Variants in POLE2 observed in about 807,000 individuals in gnomAD.
POLE2 encodes the protein DNA polymerase epsilon 2, accessory subunit, also known as DNA polymerase epsilon subunit 2.
Under a neutral mutation model 79.4 loss-of-function variants are expected in POLE2, and 56 were observed. The observed-to-expected ratio is 0.71, with a 90% CI of 0.57 to 0.88. POLE2 has a LOEUF of 0.88. Among genes scored for constraint, POLE2 ranks in the 40% least tolerant of loss-of-function variants. POLE2 has a pLI of 0.00. For synonymous variants in POLE2, 212 were observed against 214.0 expected, an observed-to-expected ratio of 0.99 and a Z score of 0.08; for missense variants, 598 against 638.9, an observed-to-expected ratio of 0.94 and a Z score of 0.69.
intron 1 of POLE2, 41 bp downstream of exon 1, chr14:49,688,095 G>A: frequency 6.7e-7 from 1 of 1,484,034 alleles, no homozygotes; most frequent in Non-Finnish European, 9.2e-7. Flanking sequence ...ACGGGCCCCA[G>A]CTCTTCCCTC....
rs374201091 is a variant in POLE2 at position 49,649,137 on chromosome 14, CTTTTTTTTTTTTTT to C, written c.1497+1114_1497+1127del. ...CAAAAAGTCAATTATATTTCTTTCCCTTTTTTTTTTTTTTTTTTTTTTTTTTTGAGACGCAGTCT... is the reference window on the plus strand; with the variant it reads ...CAAAAAGTCAATTATATTTCTTTCCCTTTTTTTTTTTTTGAGACGCAGTCT... On this transcript the variant is annotated intron_variant, in intron 17 of 18. Coordinates refer to ENST00000216367, the MANE Select transcript of POLE2 (RefSeq NM_002692.4). Among the ~76,000 whole-genome samples the C allele has an allele frequency of 3.0e-3, 322 of 108,790 alleles. 2 individuals are homozygous for C. The highest frequency in any genetic ancestry group is 0.013 in the African/African-American group (310 of 24,644). The allele number at this position is 108,790 out of a possible 152,430, so 71.4% of individuals were successfully genotyped here.
intron 10 of POLE2, among the ~76,000 whole-genome samples, chr14:49,660,477 A>G (rs979315081): frequency 4.6e-5 from 7 of 151,620 alleles, no homozygotes; most frequent in Non-Finnish European, 8.8e-5. Flanking sequence ...TTTTTTTGCA[A>G]TCATGAACTA....
At chr14:49,652,529 G>A (rs895611054) in intron 15 of POLE2, among the ~76,000 whole-genome samples, 5 of 152,034 alleles carry the variant, frequency 3.3e-5, no homozygotes, top group South Asian at 2.1e-4. Flanking sequence ...ACTCCCCATC[G>A]GTTGTATTAC....
chr14:49,658,243 A>AT (rs1884849006), intron 10 of POLE2, among the ~76,000 whole-genome samples: 1 of 151,802 alleles, frequency 6.6e-6, no homozygotes, highest in South Asian at 2.1e-4. Flanking sequence ...CGCCCGGCTA[A>AT]TTTTTTGTAG....
Position 49,683,412 on chromosome 14 carries a change from GA to G in POLE2, c.169+180del, listed in dbSNP as rs369936771. ...GCGAGACTCCATCCCAAAAAAGAAAGAAAAAAAAATTAAAATAAACTAAAGG... is the reference window on the plus strand; with the variant it reads ...GCGAGACTCCATCCCAAAAAAGAAAGAAAAAAAATTAAAATAAACTAAAGG... On this transcript the variant is annotated intron_variant, in intron 2 of 18. Transcript: ENST00000216367. Among the ~76,000 whole-genome samples, 287 of 149,420 alleles carry G rather than the reference GA, an allele frequency of 1.9e-3. 1 individual carries two copies. Among genetic ancestry groups the G allele is most frequent in the Middle Eastern group, 3.4e-3 (1 of 290 alleles).
intron 6 of POLE2, 139 bp from the exon 7 acceptor site, chr14:49,666,552 A>C (rs537673065): frequency 2.2e-6 from 1 of 446,786 alleles, no homozygotes; most frequent in East Asian, 3.7e-5. Context: ...TAAAATGGAA[A>C]TAAAGTTGTA....
intron 5 of POLE2, among the ~76,000 whole-genome samples, chr14:49,672,690 G>C (rs552678755): frequency 6.6e-6 from 1 of 152,152 alleles, no homozygotes; most frequent in Admixed American, 6.5e-5. Context: ...CTAGAGACAG[G>C]GTTTCTCCAT....
rs774619035 is a variant in POLE2 at position 49,653,970 on chromosome 14, C to G, written c.1211+20G>C. The G allele has an allele frequency of 7.2e-7, 1 of 1,398,296 alleles. No homozygotes were observed. The highest frequency in any genetic ancestry group is 1.0e-6 in the Non-Finnish European group (1 of 991,844). 86.6% of individuals were successfully genotyped at this position (1,398,296 alleles called of 1,614,324 possible). ...TTTAAATGAAAGGAAAAATGTATAACACAAAATACTAATTCTTACCTGCAA... is the reference window on the plus strand; with the variant it reads ...TTTAAATGAAAGGAAAAATGTATAAGACAAAATACTAATTCTTACCTGCAA... On this transcript the variant is annotated intron_variant, in intron 15 of 18. Transcript: ENST00000216367.
At chr14:49,648,152 A>G (rs1409658918) in intron 17 of POLE2, among the ~76,000 whole-genome samples, 1 of 152,208 alleles carries the variant, frequency 6.6e-6, no homozygotes, top group African/African-American at 2.4e-5. Flanking sequence ...AATCACACAT[A>G]CAATTGTTTG....
intron 5 of POLE2, among the ~76,000 whole-genome samples, chr14:49,671,679 G>A (rs1027016440): frequency 6.6e-6 from 1 of 151,328 alleles, no homozygotes; most frequent in Non-Finnish European, 1.5e-5. Flanking sequence ...ATTCAGCTGG[G>A]CATGGTGGCT....
chr14:49,651,563 C>G (rs1884235371), intron 15 of POLE2, 186 bp from the exon 16 acceptor site: 1 of 400,376 alleles, frequency 2.5e-6, no homozygotes, highest in Non-Finnish European at 4.4e-6. Flanking sequence ...ATATGCCTAC[C>G]CCATTCTAGG....
At chr14:49,659,766 TG>T (rs1884969742) in intron 10 of POLE2, among the ~76,000 whole-genome samples, 1 of 152,034 alleles carries the variant, frequency 6.6e-6, no homozygotes, top group Admixed American at 6.6e-5. Context: ...TTGTTGTTGT[TG>T]GTAGAGATGA....
intron 5 of POLE2, among the ~76,000 whole-genome samples, chr14:49,671,665 A>G (rs964280807): frequency 3.3e-5 from 5 of 150,790 alleles, no homozygotes; most frequent in African/African-American, 7.3e-5. Flanking sequence ...TCAAGCAGAA[A>G]GAGATTCAGC....
chr14:49,670,774 G>C (rs11157699), intron 5 of POLE2, among the ~76,000 whole-genome samples: 29,379 of 152,182 alleles, frequency 0.19, 3,057 homozygotes, highest in African/African-American at 0.25. Context: ...TTTAAAAGAG[G>C]TGGGACATGG....
intron 4 of POLE2, 62 bp downstream of exon 4, chr14:49,674,288 A>T: frequency 6.9e-7 from 1 of 1,442,386 alleles, no homozygotes; most frequent in Non-Finnish European, 9.8e-7. Flanking sequence ...GCAAGAGACT[A>T]TACCTTCTGA....
intron 5 of POLE2, 81 bp downstream of exon 5, chr14:49,674,042 C>G: frequency 1.2e-6 from 1 of 863,138 alleles, no homozygotes; most frequent in Non-Finnish European, 1.9e-6. Flanking sequence ...TTAAATATCC[C>G]TGAGATTTCC....
intron 3 of POLE2, among the ~76,000 whole-genome samples, chr14:49,676,106 A>G (rs1886258623): frequency 6.6e-6 from 1 of 152,148 alleles, no homozygotes; most frequent in Non-Finnish European, 1.5e-5. Flanking sequence ...ATGGAAAAAG[A>G]GCTCCCCCTC....
Position 49,654,991 on chromosome 14 carries a change from T to C in POLE2, c.1018+14A>G, listed in dbSNP as rs1233163807. The C allele has an allele frequency of 2.0e-6, 3 of 1,492,920 alleles. No individual in the cohort carries two copies. The highest frequency in any genetic ancestry group is 2.7e-6 in the Non-Finnish European group (3 of 1,102,410). The allele number at this position is 1,492,920 out of a possible 1,614,324, so 92.5% of individuals were successfully genotyped here. On this transcript the variant is annotated intron_variant, in intron 12 of 18. Coordinates refer to ENST00000216367, the MANE Select transcript of POLE2 (RefSeq NM_002692.4). ...GACTATAGAAACACTTCTTATTAAA[T>C]AGATCGTTAATACCTTTCAAAGCTT...
chr14:49,682,640 G>GAAAAAAAA (rs35984833), intron 2 of POLE2, among the ~76,000 whole-genome samples: 3 of 60,976 alleles, frequency 4.9e-5, no homozygotes, highest in African/African-American at 1.7e-4. Flanking sequence ...CCTTCTCAGG[G>GAAAAAAAA]AAAAAAAAAA....
Sources: gnomAD v4.1 joint callset for allele counts (sites outside exome capture counted in the v4.1 genomes callset) on GRCh38, gnomAD v4.1.1 for gene constraint, MANE v1.5 for transcripts, NCBI Gene and HGNC (gene_info 2026-07-23, HGNC 2026-07-21) for gene names.